TNFRSF8: variants seen among roughly 807,000 people sequenced by gnomAD.
TNFRSF8 encodes the protein tumor necrosis factor receptor superfamily member 8.
In TNFRSF8, 26 loss-of-function variants were observed where a neutral mutation model predicts 70.8. The observed-to-expected ratio is 0.37, with a 90% CI of 0.27 to 0.51. The LOEUF is 0.51. Ranked by LOEUF, TNFRSF8 falls within the 20% of genes least tolerant of loss-of-function variation. The probability of loss-of-function intolerance (pLI) is 0.94; values close to 1 mark genes in which losing one functional copy is unlikely to be tolerated. For synonymous variants in TNFRSF8, 356 were observed against 339.2 expected (o/e 1.05, Z -0.54); for missense variants, 720 against 807.9 (o/e 0.89, Z 1.32).
rs143584199 is a variant in TNFRSF8 at position 12,110,227 on chromosome 1, G to C, written c.676+23G>C. On this transcript the variant is annotated intron_variant, in intron 6 of 14. Coordinates refer to ENST00000263932, the MANE Select transcript of TNFRSF8 (RefSeq NM_001243.5). This position sits in a 1 kb window ranked among gnomAD's most constrained non-coding sequence, Gnocchi z 4.0. The stretch of plus-strand genomic sequence containing the variant: ...CAGGTAATTTCCCCATGAAGCTGTG[G>C]GTCGTCTCCCTGGGGTGCTCGATTG... 1.0e-4 allele frequency: 160 copies of C among 1,562,638 alleles called. No individual in the cohort carries two copies. In the African/African-American group the frequency reaches 2.0e-3, roughly 19 times the overall value.
intron 12 of TNFRSF8, among the ~76,000 whole-genome samples, chr1:12,127,744 C>A (rs899874868): frequency 6.6e-6 from 1 of 152,184 alleles, no homozygotes; most frequent in Non-Finnish European, 1.5e-5. Context: ...TCATTGAAAC[C>A]GGCGTTTGCT....
chr1:12,090,328 A>G (rs72641067), intron 2 of TNFRSF8, among the ~76,000 whole-genome samples: 15,214 of 140,596 alleles, frequency 0.11, 1,000 homozygotes, highest in Non-Finnish European at 0.15. Context: ...TTCCCCATCC[A>G]TCCATCCATC....
intron 1 of TNFRSF8, among the ~76,000 whole-genome samples, chr1:12,079,039 G>A (rs1487260945): frequency 1.3e-5 from 2 of 152,158 alleles, no homozygotes; most frequent in Non-Finnish European, 2.9e-5. Flanking sequence ...GAGGGGAGGG[G>A]TGCTTACCTC....
Position 12,070,489 on chromosome 1 carries a change from G to A in TNFRSF8, c.63+6828G>A, listed in dbSNP as rs190969799. 6.0e-3 allele frequency among the ~76,000 whole-genome samples: 907 copies of A among 152,176 alleles called. 6 individuals are homozygous for A. Among genetic ancestry groups the A allele is most frequent in the Non-Finnish European group, 9.9e-3 (676 of 68,006 alleles). The stretch of plus-strand genomic sequence containing the variant: ...CAGGATGGTCTGATCTCCTGACCTC[G>A]TGATCTGCCCGCCTATGTAGAGACA... On this transcript the variant is annotated intron_variant, in intron 1 of 14. Transcript: ENST00000263932.
At chr1:12,076,120 G>A (rs1640961828) in intron 1 of TNFRSF8, among the ~76,000 whole-genome samples, 1 of 111,474 alleles carries the variant, frequency 9.0e-6, no homozygotes. Context: ...TTTTTTTTGA[G>A]ATGGGGTTTC....
intron 2 of TNFRSF8, among the ~76,000 whole-genome samples, chr1:12,092,480 A>G (rs1476022758): frequency 1.4e-5 from 2 of 141,558 alleles, no homozygotes; most frequent in East Asian, 4.1e-4. Context: ...AAAATGTCCA[A>G]TTTTCCCCTT....
At chr1:12,091,953 G>A (rs1217604625) in intron 2 of TNFRSF8, among the ~76,000 whole-genome samples, 3 of 152,158 alleles carry the variant, frequency 2.0e-5, no homozygotes, top group Non-Finnish European at 2.9e-5. Context: ...TTACTGATCT[G>A]ATAGGAGGTG....
Position 12,104,454 on chromosome 1 carries a change from C to T in TNFRSF8, c.344C>T (p.Ser115Phe). 1.2e-6 allele frequency: 2 copies of T among 1,614,188 alleles called. No individual in the cohort carries two copies. The highest frequency in any genetic ancestry group is 1.7e-6 in the Non-Finnish European group (2 of 1,180,050). The change falls in exon 4 of 15, where the codon TCC becomes TTC. Residue 115 changes from serine to phenylalanine, a missense_variant. Ser to Phe is a radical substitution (Grantham distance 155, BLOSUM62 -2). Coordinates refer to ENST00000263932, the MANE Select transcript of TNFRSF8 (RefSeq NM_001243.5). ...GAATGTCGACCCGGCATGTTCTGTTCCACGTCTGCCGTCAACTCCTGTGCC... is the reference window on the plus strand; with the variant it reads ...GAATGTCGACCCGGCATGTTCTGTTTCACGTCTGCCGTCAACTCCTGTGCC... ...VCECRPGMFC[S>F]TSAVNSCARC... is the part of the protein sequence containing the mutation.
At position 12,079,064 on chromosome 1, in the gene TNFRSF8, GC is replaced by G. The variant is rs543980968; in HGVS notation, c.64-5399del. On this transcript the variant is annotated intron_variant, in intron 1 of 14. Transcript: ENST00000263932. ...GTGCTTACCTCGCTGGCCCTGCTCA[GC>G]TCTGGCCCCTTCGGGGATTTTGCAT... is the stretch of plus-strand genomic sequence containing the variant. Among the ~76,000 whole-genome samples, 13 of 152,276 alleles carry G rather than the reference GC, an allele frequency of 8.5e-5. No individual in the cohort carries two copies. The South Asian group carries it at 2.5e-3, about 29-fold the overall frequency.
At position 12,109,567 on chromosome 1, in the gene TNFRSF8, C is replaced by T. The variant is rs1186235058; in HGVS notation, c.423C>T (p.Gly141=). The stretch of plus-strand genomic sequence containing the variant: ...AAGGCACTGCTGTCCCCCCTGCAGG[C>T]ACGGCGCAGAAGAACACGGTCTGTG... ...CPAGMIVKFP[G]TAQKNTVCEP... The change falls in exon 5 of 15, where the codon GGC becomes GGT. Residue 141 remains glycine (G), a splice_region_variant and synonymous_variant. Coordinates refer to ENST00000263932, the MANE Select transcript of TNFRSF8 (RefSeq NM_001243.5). The surrounding 1 kb of genome is among the most constrained non-coding windows in gnomAD (Gnocchi z 4.4). 2 of 1,613,154 alleles carry T rather than the reference C, an allele frequency of 1.2e-6. No homozygotes were observed. Among genetic ancestry groups the T allele is most frequent in the Non-Finnish European group, 1.7e-6 (2 of 1,179,676 alleles).
intron 4 of TNFRSF8, among the ~76,000 whole-genome samples, chr1:12,106,062 C>T (rs979850774): frequency 2.0e-5 from 3 of 151,998 alleles, no homozygotes; most frequent in African/African-American, 4.8e-5. Context: ...TTATTTTGTA[C>T]ATAATGTCCA....
chr1:12,138,273 G>A lies in TNFRSF8; in HGVS notation c.1380G>A (p.Glu460=). The A allele has an allele frequency of 6.2e-7, 1 of 1,613,608 alleles. No homozygotes were observed. The highest frequency in any genetic ancestry group is 8.5e-7 in the Non-Finnish European group (1 of 1,179,924). The change falls in exon 14 of 15, where the codon GAG becomes GAA. Residue 460 remains glutamate (E), a synonymous_variant. Transcript: ENST00000263932. This position sits in a 1 kb window ranked among gnomAD's most constrained non-coding sequence, Gnocchi z 5.7. ...CGGTGACAGAACCCGTCGCGGAAGA[G>A]CGAGGGTTAATGAGCCAGCCACTGA... ...GASVTEPVAE[E]RGLMSQPLME... is the part of the protein sequence containing the mutation.
chr1:12,120,149 C>G (rs568853876), intron 8 of TNFRSF8, among the ~76,000 whole-genome samples: 1 of 152,292 alleles, frequency 6.6e-6, no homozygotes, highest in South Asian at 2.1e-4. Context: ...GCTTTTCTTC[C>G]TATATCCTCT....
chr1:12,069,317 T>C (rs1370492078), intron 1 of TNFRSF8, among the ~76,000 whole-genome samples: 3 of 151,664 alleles, frequency 2.0e-5, no homozygotes, highest in African/African-American at 7.3e-5. Context: ...TAGCTGGGAT[T>C]ACAGGTGTGT....
intron 3 of TNFRSF8, among the ~76,000 whole-genome samples, chr1:12,102,564 T>TGC (rs1448035001): frequency 2.6e-5 from 4 of 152,188 alleles, no homozygotes; most frequent in Admixed American, 6.5e-5. Flanking sequence ...CTCGCTCTTT[T>TGC]GCCCAGGCTG....
rs749228869 is a variant in TNFRSF8, at chr1:12,110,124, G to C, written c.596G>C (p.Arg199Pro). The C allele has an allele frequency of 1.9e-6, 3 of 1,613,650 alleles. No homozygotes were observed. The highest frequency in any genetic ancestry group is 1.3e-5 in the African/African-American group (1 of 75,054). The change falls in exon 6 of 15, where the codon CGC becomes CCC. Residue 199 changes from arginine to proline, a missense_variant. Arg to Pro is a moderately radical substitution (Grantham distance 103). Coordinates refer to ENST00000263932, the MANE Select transcript of TNFRSF8 (RefSeq NM_001243.5). This position sits in a 1 kb window ranked among gnomAD's most constrained non-coding sequence, Gnocchi z 4.0. The stretch of plus-strand genomic sequence containing the variant: ...ACCATGCCTGTAAGAGGGGGCACCC[G>C]CCTCGCCCAGGAAGCTGCTTCTAAA... The part of the protein sequence containing the change: ...ASTMPVRGGT[R>P]LAQEAASKLT...
chr1:12,071,985 C>A (rs1007124655), intron 1 of TNFRSF8, among the ~76,000 whole-genome samples: 1 of 152,196 alleles, frequency 6.6e-6, no homozygotes, highest in African/African-American at 2.4e-5. Context: ...GCATGAGCCA[C>A]CTTTGAGAGA....
In TNFRSF8 at chr1:12,115,600, T is replaced by C. The variant is rs771174816; in HGVS notation, c.817T>C (p.Cys273Arg). 4 of 1,614,086 alleles carry C rather than the reference T, an allele frequency of 2.5e-6. No homozygotes were observed. The highest frequency in any genetic ancestry group is 1.1e-5 in the South Asian group (1 of 91,088). ...SRDDLVEKTP[C>R]AWNSSRTCEC... ...AGATGACCTTGTGGAGAAGACGCCA[T>C]GTGCATGGAACTCCTCCCGCACCTG... Residue 273 changes from cysteine (C) to arginine (R), a missense_variant, in exon 8 of 15, where the codon TGT becomes CGT. Physicochemically the swap from Cys to Arg is radical, Grantham distance 180 (BLOSUM62 -3). Transcript: ENST00000263932.
At chr1:12,114,181 G>A (rs1334017597) in intron 7 of TNFRSF8, among the ~76,000 whole-genome samples, 1 of 152,106 alleles carries the variant, frequency 6.6e-6, no homozygotes, top group African/African-American at 2.4e-5. Flanking sequence ...ACCTCAAGCA[G>A]GTTTCCTAAC....
Sources: gnomAD v4.1 joint callset for allele counts (sites outside exome capture counted in the v4.1 genomes callset) on GRCh38, gnomAD v4.1.1 for gene constraint, Gnocchi (gnomAD v3.1) non-coding constraint, MANE v1.5 for transcripts, NCBI Gene and HGNC (gene_info 2026-07-23, HGNC 2026-07-21) for gene names.